Variants in PYY observed in about 807,000 individuals in gnomAD.
The protein encoded by PYY is peptide YY, also known as peptide tyrosine tyrosine.
PYY carries 12 observed loss-of-function variants against 10.3 expected under a neutral mutation model. The observed-to-expected ratio is 1.17, with a 90% CI of 0.75 to 1.89. The LOEUF (loss-of-function observed/expected upper bound fraction) is 1.89, where lower values mean the gene tolerates loss of function less well. PYY is among the 40% of genes most tolerant of loss of function. The pLI is 0.00. For synonymous variants in PYY, 66 were observed against 62.0 expected (o/e 1.06, Z -0.30); for missense variants, 141 against 134.0 (o/e 1.05, Z -0.26).
At chr17:43,953,005 T>C (rs1377885123) in intron 3 of PYY, 25 bp from the exon 4 acceptor site, 1 of 1,577,704 alleles carries the variant, frequency 6.3e-7, no homozygotes. Flanking sequence ...GGGAAGGAAT[T>C]GGATCTGGGG....
At chr17:43,996,713 G>T (rs1007845675) in intron 1 of PYY, among the ~76,000 whole-genome samples, 3 of 150,564 alleles carry the variant, frequency 2.0e-5, no homozygotes, top group Non-Finnish European at 4.4e-5. Flanking sequence ...TTTGAGACAG[G>T]GTCTTGCTCT....
In PYY at chr17:43,953,196, G is replaced by T; in HGVS notation, c.189-7C>A. 6.2e-7 allele frequency: 1 copy of T among 1,613,700 alleles called. No homozygotes were observed. Among genetic ancestry groups the T allele is most frequent in the South Asian group, 1.1e-5 (1 of 91,056 alleles). On this transcript the variant is annotated splice_polypyrimidine_tract_variant and splice_region_variant and intron_variant, in intron 2 of 3. Transcript: ENST00000692052. ...GCCGTCTCTTTTCCCATACCTGGGG[G>T]CGGGGAAGGGAAGAGCGTGGTCAGA...
At chr17:43,992,639 G>T (rs969286450) in intron 1 of PYY, among the ~76,000 whole-genome samples, 2 of 151,904 alleles carry the variant, frequency 1.3e-5, no homozygotes, top group Admixed American at 1.3e-4. Context: ...CCTGGGAGGC[G>T]GAGGTTGCCG....
chr17:43,982,574 T>A (rs918169695), intron 1 of PYY, among the ~76,000 whole-genome samples: 1 of 151,902 alleles, frequency 6.6e-6, no homozygotes, highest in Non-Finnish European at 1.5e-5. Flanking sequence ...TTAGCTAAGG[T>A]TGTGGTAGAA....
Position 43,987,622 on chromosome 17 carries a change from C to A in PYY, c.-463+16769G>T, listed in dbSNP as rs961455753. On this transcript the variant is annotated intron_variant, in intron 1 of 6. Coordinates refer to the PYY transcript ENST00000360085. This position sits in a 1 kb window ranked among gnomAD's most constrained non-coding sequence, Gnocchi z 4.0. ...TTCCCAGCTTCCCACATGCCACACC[C>A]CTGTGGGGCTGGCATGAAGAGGCCA... Among the ~76,000 whole-genome samples the A allele has an allele frequency of 6.6e-6, 1 of 152,248 alleles. No individual in the cohort carries two copies. The highest frequency in any genetic ancestry group is 2.4e-5 in the African/African-American group (1 of 41,468).
chr17:43,991,936 C>G (rs955132583), intron 1 of PYY, among the ~76,000 whole-genome samples: 3 of 151,692 alleles, frequency 2.0e-5, no homozygotes, highest in African/African-American at 7.3e-5. Flanking sequence ...CTGACTAACA[C>G]GGTGAAACCC....
intron 1 of PYY, among the ~76,000 whole-genome samples, chr17:43,975,454 T>C (rs1183919293): frequency 6.6e-6 from 1 of 151,952 alleles, no homozygotes; most frequent in African/African-American, 2.4e-5. Flanking sequence ...TTACCTGTAA[T>C]CCTAGCACTT....
chr17:43,983,246 AAAC>A (rs529327957), intron 1 of PYY, among the ~76,000 whole-genome samples: 14 of 151,938 alleles, frequency 9.2e-5, no homozygotes, highest in African/African-American at 1.2e-4. Context: ...AACAAACAAA[AAAC>A]AACAACAACA....
intron 1 of PYY, among the ~76,000 whole-genome samples, chr17:43,995,931 G>C (rs1444972916): frequency 6.6e-6 from 1 of 152,062 alleles, no homozygotes; most frequent in Non-Finnish European, 1.5e-5. Context: ...AAGGCAGTTG[G>C]ATCGCTTGAG....
At chr17:43,982,322 A>G (rs2048888742) in intron 1 of PYY, among the ~76,000 whole-genome samples, 1 of 152,186 alleles carries the variant, frequency 6.6e-6, no homozygotes, top group South Asian at 2.1e-4. Context: ...GGGCAAAAAC[A>G]CTTGTATATG....
intron 2 of PYY, among the ~76,000 whole-genome samples, chr17:43,965,317 C>T (rs889024641): frequency 1.1e-4 from 16 of 150,510 alleles, no homozygotes; most frequent in African/African-American, 3.7e-4. Context: ...CCCATCTCTA[C>T]TAAAAATACA....
intron 1 of PYY, among the ~76,000 whole-genome samples, chr17:43,983,713 C>G (rs1050352111): frequency 2.0e-5 from 3 of 152,250 alleles, no homozygotes; most frequent in African/African-American, 7.2e-5. Context: ...CGCACATTGG[C>G]TCGCGGTGCA....
At chr17:43,996,938 C>G (rs2048995829) in intron 1 of PYY, among the ~76,000 whole-genome samples, 1 of 152,200 alleles carries the variant, frequency 6.6e-6, no homozygotes, top group Non-Finnish European at 1.5e-5. Flanking sequence ...ATGTACCTGC[C>G]TCAGCCTCCC....
upstream of PYY, among the ~76,000 whole-genome samples, chr17:43,958,920 G>A (rs1279279544): frequency 2.6e-5 from 4 of 152,298 alleles, no homozygotes; most frequent in East Asian, 3.9e-4. Context: ...TGCAAACTAC[G>A]TTAAATGCTT....
At chr17:43,988,046 C>T (rs1221707833) in intron 1 of PYY, among the ~76,000 whole-genome samples, 1 of 152,146 alleles carries the variant, frequency 6.6e-6, no homozygotes, top group African/African-American at 2.4e-5. Context: ...CACAGCCACA[C>T]GCCATCCCAC....
chr17:43,969,049 A>T lies in PYY; in HGVS notation c.-462-2517T>A, dbSNP rs566182646. 4.4e-4 allele frequency among the ~76,000 whole-genome samples: 67 copies of T among 152,284 alleles called. 1 individual carries two copies. The highest frequency in any genetic ancestry group is 1.6e-3 in the African/African-American group (65 of 41,554). ...CTTGAACCTGGGAGGCAGAGGCTGCAGTGAGCCAAGATCGTGCCACTGCAC... is the reference window on the plus strand; with the variant it reads ...CTTGAACCTGGGAGGCAGAGGCTGCTGTGAGCCAAGATCGTGCCACTGCAC... On this transcript the variant is annotated intron_variant, in intron 1 of 6. Transcript: ENST00000360085.
intron 2 of PYY, among the ~76,000 whole-genome samples, chr17:43,963,570 A>AAAAAGAAAG (rs1404696451): frequency 5.3e-4 from 56 of 104,674 alleles, no homozygotes; most frequent in African/African-American, 2.0e-3. Context: ...GGAAGGAAGG[A>AAAAAGAAAG]AAAGAAAGAA....
At chr17:43,981,524 C>G (rs2048883556) in intron 1 of PYY, among the ~76,000 whole-genome samples, 1 of 151,872 alleles carries the variant, frequency 6.6e-6, no homozygotes, top group Non-Finnish European at 1.5e-5. Flanking sequence ...CAGTCTCACT[C>G]TGTCGCCCAG....
chr17:43,961,722 G>C (rs2048714264), intron 2 of PYY, among the ~76,000 whole-genome samples: 1 of 152,072 alleles, frequency 6.6e-6, no homozygotes, highest in South Asian at 2.1e-4. Context: ...TGTATTTTTA[G>C]TAGAGACAGG....
Sources: gnomAD v4.1 joint callset for allele counts (sites outside exome capture counted in the v4.1 genomes callset) on GRCh38, gnomAD v4.1.1 for gene constraint, Gnocchi (gnomAD v3.1) non-coding constraint, MANE v1.5 for transcripts, NCBI Gene and HGNC (gene_info 2026-07-23, HGNC 2026-07-21) for gene names.